KLHL5: variants seen among roughly 807,000 people sequenced by gnomAD.
KLHL5 encodes kelch-like protein 5.
In KLHL5, 48 loss-of-function variants were observed where a neutral mutation model predicts 77.7. The ratio of observed to expected loss-of-function variants is 0.62; its 90% CI spans 0.49 to 0.79. The LOEUF (loss-of-function observed/expected upper bound fraction) is 0.79. KLHL5 is among the 30% of genes least tolerant of loss of function. KLHL5 has a pLI of 0.00. For missense variants in KLHL5, 723 were observed against 859.7 expected (o/e 0.84, Z 1.99); for synonymous variants, 260 against 297.0 (o/e 0.88, Z 1.28).
intron 5 of KLHL5, among the ~76,000 whole-genome samples, chr4:39,093,665 G>A (rs1248432090): frequency 1.3e-5 from 2 of 152,128 alleles, no homozygotes; most frequent in East Asian, 1.9e-4. Context: ...CAGCACTGTG[G>A]GAGGCCAAGG....
intron 5 of KLHL5, among the ~76,000 whole-genome samples, chr4:39,095,006 A>G (rs925716932): frequency 9.2e-5 from 14 of 152,156 alleles, no homozygotes; most frequent in African/African-American, 3.4e-4. Flanking sequence ...TTGATGACCT[A>G]AATATGAAAA....
chr4:39,124,802 C>CAAAAAAAAAAAAAAAAAAAAA lies in KLHL5; in HGVS notation c.*3740_*3760dup, dbSNP rs71643268. Among the ~76,000 whole-genome samples, 73 of 44,108 alleles carry CAAAAAAAAAAAAAAAAAAAAA rather than the reference C, an allele frequency of 1.7e-3. 3 individuals are homozygous for CAAAAAAAAAAAAAAAAAAAAA. The highest frequency in any genetic ancestry group is 2.1e-3 in the Non-Finnish European group (48 of 22,640). The allele number at this position is 44,108 out of a possible 152,430, so 28.9% of individuals were successfully genotyped here. On this transcript the variant is annotated 3_prime_UTR_variant, in exon 11 of 11. Coordinates refer to ENST00000504108, the MANE Select transcript of KLHL5 (RefSeq NM_015990.5). ...GCACCAAAAGCACAAGCAACAACAG[C>CAAAAAAAAAAAAAAAAAAAAA]AAAAAAAAAAAAAAAAAAAAAAAAT...
the KLHL5 span, among the ~76,000 whole-genome samples, chr4:39,134,688 G>C: frequency 5.9e-5 from 9 of 152,358 alleles, no homozygotes; most frequent in East Asian, 1.2e-3. Flanking sequence ...TACACACACA[G>C]AGAGGTTTCA....
At chr4:39,053,105 G>A (rs1051980069) in intron 1 of KLHL5, among the ~76,000 whole-genome samples, 2 of 152,170 alleles carry the variant, frequency 1.3e-5, no homozygotes, top group Non-Finnish European at 2.9e-5. Context: ...ATTAACATTT[G>A]TAGTGATTAA....
chr4:39,063,142 T>C (rs2109295510), intron 1 of KLHL5, 107 bp downstream of exon 1: 1 of 720,074 alleles, frequency 1.4e-6, no homozygotes, highest in African/African-American at 1.8e-5. Context: ...TATGTACATC[T>C]GCATACATAT....
At chr4:39,056,173 C>T (rs956293353) in intron 1 of KLHL5, among the ~76,000 whole-genome samples, 2 of 152,298 alleles carry the variant, frequency 1.3e-5, no homozygotes, top group South Asian at 2.1e-4. Flanking sequence ...CCCGAGCAGC[C>T]GTGCAATGGC....
intron 8 of KLHL5, among the ~76,000 whole-genome samples, chr4:39,111,832 T>C (rs1183153484): frequency 1.3e-5 from 2 of 152,148 alleles, no homozygotes; most frequent in Non-Finnish European, 2.9e-5. Context: ...GGTCATCTTA[T>C]TATTTAAGAA....
intron 1 of KLHL5, among the ~76,000 whole-genome samples, chr4:39,069,310 A>G (rs1339587826): frequency 6.6e-6 from 1 of 151,910 alleles, no homozygotes; most frequent in Admixed American, 6.6e-5. Context: ...TTACTGTGGT[A>G]GATATAAAGA....
chr4:39,130,415 C>G (rs1018043715), downstream of KLHL5, among the ~76,000 whole-genome samples: 1 of 152,196 alleles, frequency 6.6e-6, no homozygotes, highest in African/African-American at 2.4e-5. Context: ...GTTCCTTACC[C>G]TCATTCCCGT....
At chr4:39,060,492 G>T (rs1717326897), upstream of KLHL5, among the ~76,000 whole-genome samples, 1 of 140,658 alleles carries the variant, frequency 7.1e-6, no homozygotes, top group Non-Finnish European at 1.5e-5. Flanking sequence ...TTAGGAGCAG[G>T]TTGATGCTTC....
At chr4:39,102,271 T>C (rs866127946) in intron 6 of KLHL5, among the ~76,000 whole-genome samples, 2 of 151,774 alleles carry the variant, frequency 1.3e-5, no homozygotes, top group South Asian at 2.1e-4. Flanking sequence ...AGTTGAACTC[T>C]TCACAATTGG....
At chr4:39,095,030 C>A (rs948352670) in intron 5 of KLHL5, among the ~76,000 whole-genome samples, 2 of 151,548 alleles carry the variant, frequency 1.3e-5, no homozygotes, top group Non-Finnish European at 2.9e-5. Context: ...ATTTGAATGG[C>A]AAAAGTATTA....
intron 10 of KLHL5, among the ~76,000 whole-genome samples, chr4:39,117,454 G>A (rs1443796112): frequency 1.3e-5 from 2 of 152,150 alleles, no homozygotes. Flanking sequence ...GGGAAGTGAG[G>A]GCTGGATAAA....
At chr4:39,095,688 A>G (rs1442852048) in intron 5 of KLHL5, among the ~76,000 whole-genome samples, 1 of 151,850 alleles carries the variant, frequency 6.6e-6, no homozygotes, top group Non-Finnish European at 1.5e-5. Flanking sequence ...AATGGCTAAA[A>G]AATTAGCATA....
rs182830463 is a variant in KLHL5 at position 39,085,856 on chromosome 4, A to T, written c.901-659A>T. ...TTATATTAGAAGAGATTAAAAATTTAAAAACAGACCCTTAAAAGAGATTAA... is the reference window on the plus strand; with the variant it reads ...TTATATTAGAAGAGATTAAAAATTTTAAAACAGACCCTTAAAAGAGATTAA... On this transcript the variant is annotated intron_variant, in intron 4 of 10. Coordinates refer to ENST00000504108, the MANE Select transcript of KLHL5 (RefSeq NM_015990.5). Among the ~76,000 whole-genome samples, 748 of 152,300 alleles carry T rather than the reference A, an allele frequency of 4.9e-3. 3 individuals carry two copies. The highest frequency in any genetic ancestry group is 8.3e-3 in the Non-Finnish European group (562 of 68,026).
chr4:39,048,333 T>G (rs988854913), intron 1 of KLHL5, among the ~76,000 whole-genome samples: 3 of 152,190 alleles, frequency 2.0e-5, no homozygotes, highest in African/African-American at 4.8e-5. Flanking sequence ...CAAATGATAG[T>G]GCTATACAAA....
intron 1 of KLHL5, among the ~76,000 whole-genome samples, chr4:39,045,567 G>C (rs1387146583): frequency 6.6e-6 from 1 of 151,434 alleles, no homozygotes; most frequent in Non-Finnish European, 1.5e-5. Flanking sequence ...TAATACCCTC[G>C]CCCCCGGAGT....
intron 1 of KLHL5, among the ~76,000 whole-genome samples, chr4:39,067,346 GA>G (rs543574991): frequency 1.5e-3 from 229 of 152,228 alleles, no homozygotes; most frequent in African/African-American, 5.2e-3. Context: ...GAATATCACA[GA>G]GATAAAGTGC....
chr4:39,137,181 G>A, the KLHL5 span, among the ~76,000 whole-genome samples: 3 of 104,180 alleles, frequency 2.9e-5, no homozygotes, highest in Non-Finnish European at 6.9e-5. Flanking sequence ...ATGCAAATAT[G>A]TGCGTGTGTG....
Sources: gnomAD v4.1 joint callset for allele counts (sites outside exome capture counted in the v4.1 genomes callset) on GRCh38, gnomAD v4.1.1 for gene constraint, MANE v1.5 for transcripts, NCBI Gene and HGNC (gene_info 2026-07-23, HGNC 2026-07-21) for gene names.